The following SNX7 variants were observed in gnomAD, a reference collection of about 807,000 sequenced individuals.
SNX7 encodes the protein sorting nexin 7, also known as sorting nexin-7.
SNX7 carries 35 observed loss-of-function variants against 48.4 expected under a neutral mutation model. That is an observed-to-expected ratio of 0.72 (90% CI 0.55 to 0.96). The LOEUF (loss-of-function observed/expected upper bound fraction) is 0.96. Among genes scored for constraint, SNX7 ranks in the 40% least tolerant of loss-of-function variants. The pLI, the probability that SNX7 is intolerant of heterozygous loss-of-function variation, is 0.00. For missense variants in SNX7, 553 were observed against 548.9 expected (o/e 1.01, Z -0.07); for synonymous variants, 190 against 190.2 (o/e 1.00, Z 0.01).
intron 7 of SNX7, among the ~76,000 whole-genome samples, chr1:98,721,043 A>G (rs555386069): frequency 6.6e-6 from 1 of 152,128 alleles, no homozygotes; most frequent in African/African-American, 2.4e-5. Context: ...TTTTAAGCAC[A>G]TCTCCCAATA....
chr1:98,661,990 C>T (rs1041744512), intron 1 of SNX7, 79 bp downstream of exon 1: 2 of 1,230,382 alleles, frequency 1.6e-6, no homozygotes, highest in African/African-American at 3.1e-5. Context: ...ACGGCTGCCT[C>T]TGGCGCGCTT....
intron 2 of SNX7, among the ~76,000 whole-genome samples, chr1:98,686,321 G>GT (rs1016438637): frequency 6.6e-6 from 1 of 152,022 alleles, no homozygotes; most frequent in South Asian, 2.1e-4. Context: ...CAACTAAGCT[G>GT]TTTTTTTAAA....
chr1:98,719,979 C>T (rs1011280648), intron 7 of SNX7, among the ~76,000 whole-genome samples: 4 of 150,954 alleles, frequency 2.6e-5, no homozygotes, highest in Non-Finnish European at 4.4e-5. Context: ...CAGTCGTACC[C>T]GTTATCTATT....
chr1:98,738,524 A>C (rs1001400383), intron 8 of SNX7, 135 bp downstream of exon 8: 1 of 798,958 alleles, frequency 1.3e-6, no homozygotes. Flanking sequence ...GGTTTTGATG[A>C]AGTTGTCAGT....
At chr1:98,677,369 C>A (rs1464823544) in intron 1 of SNX7, 2 of 152,142 alleles carry the variant, frequency 1.3e-5, no homozygotes, top group African/African-American at 4.8e-5. Flanking sequence ...GAGGAGGCAT[C>A]CTGCATGGTT....
chr1:98,663,737 A>G (rs933459908), intron 1 of SNX7, among the ~76,000 whole-genome samples: 2 of 152,122 alleles, frequency 1.3e-5, no homozygotes, highest in African/African-American at 4.8e-5. Flanking sequence ...GTGTTTTTCC[A>G]CCTAATTTTG....
intron 1 of SNX7, among the ~76,000 whole-genome samples, chr1:98,681,635 T>A (rs543347684): frequency 6.6e-6 from 1 of 152,156 alleles, no homozygotes; most frequent in African/African-American, 2.4e-5. Flanking sequence ...TATACCATAA[T>A]AGAAAGTGAA....
intron 7 of SNX7, among the ~76,000 whole-genome samples, chr1:98,735,434 T>C (rs1186958743): frequency 6.6e-6 from 1 of 152,100 alleles, no homozygotes; most frequent in Non-Finnish European, 1.5e-5. Flanking sequence ...AACTCTGATA[T>C]AGTCACCAAA....
chr1:98,728,652 A>G (rs1003752982), intron 7 of SNX7, among the ~76,000 whole-genome samples: 2 of 152,186 alleles, frequency 1.3e-5, no homozygotes, highest in African/African-American at 4.8e-5. Context: ...TTGCAATCCT[A>G]GTTTCTGACA....
At chr1:98,722,944 C>G (rs906864683) in intron 7 of SNX7, among the ~76,000 whole-genome samples, 2 of 152,082 alleles carry the variant, frequency 1.3e-5, no homozygotes, top group African/African-American at 4.8e-5. Context: ...AATTACTAAC[C>G]TTTCACTTTC....
At chr1:98,737,971 A>G (rs926310186) in intron 7 of SNX7, among the ~76,000 whole-genome samples, 1 of 152,110 alleles carries the variant, frequency 6.6e-6, no homozygotes, top group African/African-American at 2.4e-5. Context: ...AAATAGTGAA[A>G]CTGAAGCCCA....
chr1:98,706,489 C>A (rs1411366933), intron 7 of SNX7, among the ~76,000 whole-genome samples: 2 of 151,870 alleles, frequency 1.3e-5, no homozygotes, highest in African/African-American at 4.8e-5. Context: ...AGGGGTTAGA[C>A]CATATAGAGC....
chr1:98,676,685 C>T (rs1281785371), intron 1 of SNX7, among the ~76,000 whole-genome samples: 2 of 152,098 alleles, frequency 1.3e-5, no homozygotes, highest in Non-Finnish European at 2.9e-5. Flanking sequence ...GAAAACAAGT[C>T]CATATTATGA....
intron 4 of SNX7, among the ~76,000 whole-genome samples, chr1:98,691,956 C>CTCTG (rs1173604841): frequency 6.6e-6 from 1 of 151,240 alleles, no homozygotes. Context: ...CTCTCTCTCT[C>CTCTG]TCTCTCTCTC....
intron 1 of SNX7, among the ~76,000 whole-genome samples, chr1:98,670,913 G>A (rs1450798103): frequency 2.7e-5 from 4 of 149,848 alleles, no homozygotes; most frequent in African/African-American, 7.6e-5. Context: ...TTGGTCAGGA[G>A]CAATGAGGAA....
chr1:98,680,540 T>G (rs915579863), intron 1 of SNX7, among the ~76,000 whole-genome samples: 1 of 152,190 alleles, frequency 6.6e-6, no homozygotes, highest in East Asian at 1.9e-4. Flanking sequence ...TTCTGGACTT[T>G]TATGCTCCGC....
chr1:98,672,930 CAAAAAAAA>C (rs57705068), intron 1 of SNX7, among the ~76,000 whole-genome samples: 2 of 88,524 alleles, frequency 2.3e-5, no homozygotes, highest in Non-Finnish European at 2.1e-5. Flanking sequence ...GACTCCGTCT[CAAAAAAAA>C]AAAAAAAAAA....
chr1:98,759,663 C>T (rs1370216456), intron 8 of SNX7, among the ~76,000 whole-genome samples: 4 of 152,010 alleles, frequency 2.6e-5, no homozygotes, highest in African/African-American at 7.2e-5. Flanking sequence ...AAAGATTAAT[C>T]AACTTTCTCA....
intron 7 of SNX7, among the ~76,000 whole-genome samples, chr1:98,734,758 G>T (rs1260868648): frequency 6.6e-6 from 1 of 152,102 alleles, no homozygotes; most frequent in African/African-American, 2.4e-5. Flanking sequence ...ACTGAAGCTA[G>T]AAATTACCCA....
Sources: allele counts gnomAD v4.1 joint callset (sites outside exome capture counted in the v4.1 genomes callset), GRCh38; gene constraint gnomAD v4.1.1; transcripts MANE v1.5; gene names NCBI Gene and HGNC (gene_info 2026-07-23, HGNC 2026-07-21).